The following RNF217 variants were observed in gnomAD, a reference collection of about 807,000 sequenced individuals.
RNF217 encodes E3 ubiquitin-protein ligase RNF217.
RNF217 carries 31 observed loss-of-function variants against 57.8 expected under a neutral mutation model. That is an observed-to-expected ratio of 0.54 (90% CI 0.40 to 0.72). The LOEUF (loss-of-function observed/expected upper bound fraction) is 0.72. Ranked by LOEUF, RNF217 falls within the 30% of genes least tolerant of loss-of-function variation. The probability of loss-of-function intolerance (pLI) is 0.00; values close to 1 mark genes in which losing one functional copy is unlikely to be tolerated. For missense variants in RNF217, 696 were observed against 708.3 expected (o/e 0.98, Z 0.20); for synonymous variants, 313 against 294.0 (o/e 1.06, Z -0.66).
chr6:124,979,872 C>G (rs1255251370), intron 1 of RNF217, among the ~76,000 whole-genome samples: 1 of 152,156 alleles, frequency 6.6e-6, no homozygotes, highest in African/African-American at 2.4e-5. Context: ...TCAGAGGTGA[C>G]AGTGGTTTGC....
chr6:124,969,363 A>AT (rs1783673732), intron 1 of RNF217, among the ~76,000 whole-genome samples: 2 of 152,122 alleles, frequency 1.3e-5, no homozygotes, highest in Admixed American at 1.3e-4. Context: ...AAAAATGTTT[A>AT]TTTTTTTCAA....
intron 1 of RNF217, among the ~76,000 whole-genome samples, chr6:125,040,559 A>T (rs1353363901): frequency 6.6e-6 from 1 of 152,184 alleles, no homozygotes; most frequent in East Asian, 1.9e-4. Context: ...AAACAATTGA[A>T]AAGGAGGGAC....
intron 1 of RNF217, among the ~76,000 whole-genome samples, chr6:125,013,130 A>G (rs1418665453): frequency 2.6e-5 from 4 of 152,102 alleles, no homozygotes; most frequent in African/African-American, 9.7e-5. Flanking sequence ...TCACCTATTC[A>G]TGTATTATAA....
rs763012202 is a variant in RNF217 at position 124,963,248 on chromosome 6, C to T, written c.704C>T (p.Ser235Phe). ...TTCTACCTGGCGCCCGAGCCGTTCTCCATGCCCAGCCTGTTGGGAGCTCCA... is the reference window on the plus strand; with the variant it reads ...TTCTACCTGGCGCCCGAGCCGTTCTTCATGCCCAGCCTGTTGGGAGCTCCA... ...LEFYLAPEPF[S>F]MPSLLGAPPY... The change falls in exon 1 of 6, where the codon TCC becomes TTC. Residue 235 changes from serine (S) to phenylalanine (F), a missense_variant. This residue lies in a region of RNF217 where 465 missense variants were observed against 386.8 expected (regional missense o/e 1.20). Coordinates refer to ENST00000521654, the MANE Select transcript of RNF217 (RefSeq NM_001286398.3). 6.5e-7 allele frequency: 1 copy of T among 1,536,084 alleles called. No individual in the cohort carries two copies. Among genetic ancestry groups the T allele is most frequent in the South Asian group, 1.2e-5 (1 of 84,044 alleles).
At chr6:125,012,678 G>A (rs1305150481) in intron 1 of RNF217, among the ~76,000 whole-genome samples, 1 of 152,086 alleles carries the variant, frequency 6.6e-6, no homozygotes, top group African/African-American at 2.4e-5. Flanking sequence ...GCATAATATG[G>A]TAGCAGACAG....
At chr6:125,048,411 A>G (rs1377365238) in intron 2 of RNF217, among the ~76,000 whole-genome samples, 1 of 151,252 alleles carries the variant, frequency 6.6e-6, no homozygotes, top group Non-Finnish European at 1.5e-5. Flanking sequence ...ACAGAAATAG[A>G]AAAAAAAAGG....
intron 1 of RNF217, among the ~76,000 whole-genome samples, chr6:125,027,273 C>T (rs572322163): frequency 1.3e-5 from 2 of 152,140 alleles, no homozygotes; most frequent in South Asian, 4.2e-4. Flanking sequence ...TTTTTGTACC[C>T]ATTAACCATC....
intron 1 of RNF217, among the ~76,000 whole-genome samples, chr6:125,009,653 A>T (rs1785345417): frequency 1.4e-5 from 2 of 146,298 alleles, no homozygotes; most frequent in Non-Finnish European, 1.5e-5. Flanking sequence ...TTTTCTTTCT[A>T]TTTTTTTTAA....
intron 1 of RNF217, among the ~76,000 whole-genome samples, chr6:124,998,208 C>G (rs1784822185): frequency 6.6e-6 from 1 of 152,132 alleles, no homozygotes; most frequent in Admixed American, 6.5e-5. Context: ...TTTTTTCACA[C>G]TTTACTTCCC....
intron 1 of RNF217, among the ~76,000 whole-genome samples, chr6:125,018,027 TGTA>T (rs1263694970): frequency 3.3e-5 from 5 of 152,202 alleles, no homozygotes; most frequent in African/African-American, 9.6e-5. Context: ...TTTTTATAAG[TGTA>T]ACAACTATCC....
Position 125,089,735 on chromosome 6 carries a change from G to A in RNF217, c.*6798G>A, listed in dbSNP as rs1171595208. The stretch of plus-strand genomic sequence containing the variant: ...TAGATTCTTGTGGCTGGCAAGCTAT[G>A]CTGTCATTGGTTCTCTGCGAATCTG... On this transcript the variant is annotated 3_prime_UTR_variant, in exon 6 of 6. Coordinates refer to ENST00000521654, the MANE Select transcript of RNF217 (RefSeq NM_001286398.3). 1 of 152,116 alleles carries A rather than the reference G, an allele frequency of 6.6e-6. No homozygotes were observed. Among genetic ancestry groups the A allele is most frequent in the Non-Finnish European group, 1.5e-5 (1 of 68,014 alleles). 9.4% of individuals were successfully genotyped at this position (152,116 alleles called of 1,614,324 possible).
intron 3 of RNF217, among the ~76,000 whole-genome samples, chr6:125,066,995 A>G (rs1002557516): frequency 1.3e-5 from 2 of 151,700 alleles, no homozygotes; most frequent in African/African-American, 4.8e-5. Context: ...GGAATGTTGC[A>G]GGAGTATTAT....
At chr6:125,029,217 G>A (rs1453800940) in intron 1 of RNF217, among the ~76,000 whole-genome samples, 2 of 152,102 alleles carry the variant, frequency 1.3e-5, no homozygotes, top group East Asian at 3.8e-4. Context: ...ATATTTTTAA[G>A]AGACACTTAT....
In RNF217 at chr6:125,084,689, G is replaced by A. The variant is rs879312796; in HGVS notation, c.*1752G>A. The A allele has an allele frequency of 2.0e-5, 3 of 151,964 alleles. No individual in the cohort carries two copies. Among genetic ancestry groups the A allele is most frequent in the Non-Finnish European group, 4.4e-5 (3 of 67,888 alleles). 9.4% of individuals were successfully genotyped at this position (151,964 alleles called of 1,614,324 possible). A position where few individuals can be genotyped will look rare whatever the true frequency, so the allele number is the denominator to read the frequency against. On this transcript the variant is annotated 3_prime_UTR_variant, in exon 6 of 6. Transcript: ENST00000521654. ...AATAACACAGAATAACTGTGCTACAGCTTCTGGATTAGTTGTCTATTTCCA... is the reference window on the plus strand; with the variant it reads ...AATAACACAGAATAACTGTGCTACAACTTCTGGATTAGTTGTCTATTTCCA...
chr6:125,030,307 A>G (rs1370392038), intron 1 of RNF217, among the ~76,000 whole-genome samples: 1 of 152,070 alleles, frequency 6.6e-6, no homozygotes, highest in African/African-American at 2.4e-5. Flanking sequence ...ATGTCCTCAC[A>G]TTTCAAAAAC....
chr6:125,017,552 A>T lies in RNF217; in HGVS notation c.883-27659A>T, dbSNP rs371802727. On this transcript the variant is annotated intron_variant, in intron 1 of 5. Transcript: ENST00000521654. ...AAGGATAACCTATCTTGGGGAAAGA[A>T]GACTTCTGTATAGATAATCTTATTA... Among the ~76,000 whole-genome samples, 5 of 152,332 alleles carry T rather than the reference A, an allele frequency of 3.3e-5. No homozygotes were observed. In the East Asian group the frequency reaches 9.6e-4, roughly 29 times the overall value.
intron 3 of RNF217, among the ~76,000 whole-genome samples, chr6:125,074,334 TA>T (rs1562496668): frequency 2.7e-5 from 4 of 150,032 alleles, no homozygotes; most frequent in African/African-American, 9.7e-5. Context: ...GATAGATAGA[TA>T]GATAGATAGA....
Position 124,963,269 on chromosome 6 carries a change from C to T in RNF217, c.725C>T (p.Ala242Val). The T allele has an allele frequency of 6.5e-7, 1 of 1,536,006 alleles. No homozygotes were observed. The highest frequency in any genetic ancestry group is 1.4e-5 in the African/African-American group (1 of 73,190). ...EPFSMPSLLG[A>V]PPYSGLGGVG... ...TTCTCCATGCCCAGCCTGTTGGGAG[C>T]TCCACCCTACTCTGGCCTGGGCGGT... Residue 242 changes from alanine (A) to valine (V), a missense_variant, in exon 1 of 6, where the codon GCT (alanine) becomes GTT (valine). By Grantham distance (64) the Ala-to-Val change is moderately conservative. Coordinates refer to ENST00000521654, the MANE Select transcript of RNF217 (RefSeq NM_001286398.3).
chr6:124,963,801 T>G (rs1226709899), intron 1 of RNF217, among the ~76,000 whole-genome samples: 1 of 152,192 alleles, frequency 6.6e-6, no homozygotes, highest in African/African-American at 2.4e-5. Context: ...GAATAAATAT[T>G]TATGGAGCTG....
Sources: gnomAD v4.1 joint callset for allele counts (sites outside exome capture counted in the v4.1 genomes callset) on GRCh38, gnomAD v4.1.1 for gene constraint, gnomAD v4.1.1 regional missense constraint, MANE v1.5 for transcripts, NCBI Gene and HGNC (gene_info 2026-07-23, HGNC 2026-07-21) for gene names.